EML6: variants seen among roughly 807,000 people sequenced by gnomAD.
EML6 encodes echinoderm microtubule-associated protein-like 6.
EML6 carries 154 observed loss-of-function variants against 240.1 expected under a neutral mutation model. The observed-to-expected ratio is 0.64, with a 90% CI of 0.56 to 0.73. EML6 has a LOEUF of 0.73. Ranked by LOEUF, EML6 falls within the 30% of genes least tolerant of loss-of-function variation. The pLI, the probability that EML6 is intolerant of heterozygous loss-of-function variation, is 0.00. For missense variants in EML6, 2,964 were observed against 2,474.6 expected, an observed-to-expected ratio of 1.20 and a Z score of -4.20; for synonymous variants, 1,148 against 899.0, an observed-to-expected ratio of 1.28 and a Z score of -4.95.
intron 24 of EML6, among the ~76,000 whole-genome samples, chr2:54,907,284 G>A (rs1657917583): frequency 6.6e-6 from 1 of 152,200 alleles, no homozygotes; most frequent in South Asian, 2.1e-4. Context: ...GCTGAGGTGG[G>A]TGACCTGAGG....
intron 7 of EML6, among the ~76,000 whole-genome samples, chr2:54,833,075 G>C (rs2104209395): frequency 6.6e-6 from 1 of 152,348 alleles, no homozygotes; most frequent in South Asian, 2.1e-4. Flanking sequence ...AATTTAGCAA[G>C]AGAATTAATC....
At chr2:54,963,092 TA>T (rs1676595573) in intron 36 of EML6, among the ~76,000 whole-genome samples, 1 of 102,714 alleles carries the variant, frequency 9.7e-6, no homozygotes, top group South Asian at 3.4e-4. Flanking sequence ...TCATCTGGAG[TA>T]AAACTGTGAA....
intron 28 of EML6, among the ~76,000 whole-genome samples, chr2:54,939,990 A>G (rs754651287): frequency 2.6e-5 from 4 of 152,234 alleles, no homozygotes; most frequent in Non-Finnish European, 4.4e-5. Flanking sequence ...AATATTCTGC[A>G]TTAATATTTT....
intron 7 of EML6, among the ~76,000 whole-genome samples, chr2:54,837,362 T>C (rs977551799): frequency 2.0e-5 from 3 of 152,204 alleles, no homozygotes; most frequent in African/African-American, 7.2e-5. Flanking sequence ...TTCTATGCTG[T>C]TATTTCCTCA....
At chr2:54,898,943 C>A (rs556226646) in intron 21 of EML6, among the ~76,000 whole-genome samples, 22 of 152,236 alleles carry the variant, frequency 1.4e-4, no homozygotes, top group African/African-American at 5.3e-4. Context: ...TCTAAGCCAG[C>A]CAAGTGTGTT....
chr2:54,788,824 C>T (rs1423035158), intron 2 of EML6, among the ~76,000 whole-genome samples: 1 of 152,126 alleles, frequency 6.6e-6, no homozygotes, highest in East Asian at 1.9e-4. Context: ...TTTTTATTGA[C>T]TTTATTGTTT....
chr2:54,935,838 G>A (rs1475478125), intron 28 of EML6, among the ~76,000 whole-genome samples: 1 of 152,138 alleles, frequency 6.6e-6, no homozygotes, highest in African/African-American at 2.4e-5. Flanking sequence ...ATGAGCCTGG[G>A]CAACATAAGG....
intron 35 of EML6, among the ~76,000 whole-genome samples, chr2:54,962,117 GTGTCACCCAGGCTGGAGTGCAGTGGTAC>G (rs1676548348): frequency 7.1e-6 from 1 of 139,876 alleles, no homozygotes; most frequent in African/African-American, 2.7e-5. Flanking sequence ...GGGTCTCACT[GTGTCACCCAGGCTGGAGTGCAGTGGTAC>G]CATCATCATA....
In EML6 at chr2:54,856,679, G is replaced by A. The variant is rs529958894; in HGVS notation, c.1657+2824G>A. Among the ~76,000 whole-genome samples, 149 of 152,292 alleles carry A rather than the reference G, an allele frequency of 9.8e-4. 3 individuals carry two copies. The South Asian group carries it at 0.015, about 15-fold the overall frequency. On this transcript the variant is annotated intron_variant, in intron 11 of 41. Transcript: ENST00000356458. ...CTTAGTGCATGAGGGGAAGAGTTGCGTACCGTGACATTGGAGAGGGTGACA... is the reference window on the plus strand; with the variant it reads ...CTTAGTGCATGAGGGGAAGAGTTGCATACCGTGACATTGGAGAGGGTGACA...
At chr2:54,903,004 A>G (rs1373215255) in intron 22 of EML6, 40 bp from the exon 23 acceptor site, 7 of 1,537,016 alleles carry the variant, frequency 4.6e-6, no homozygotes, top group African/African-American at 1.4e-5. Flanking sequence ...TTGACAGTGA[A>G]GTTTTGGATA....
chr2:54,760,283 A>T (rs1490545066), intron 2 of EML6, among the ~76,000 whole-genome samples: 1 of 151,744 alleles, frequency 6.6e-6, no homozygotes, highest in Non-Finnish European at 1.5e-5. Flanking sequence ...TGCTCCCCAG[A>T]TATTCACTAC....
At chr2:54,775,797 TAG>T (rs2103824133) in intron 2 of EML6, among the ~76,000 whole-genome samples, 1 of 152,286 alleles carries the variant, frequency 6.6e-6, no homozygotes, top group African/African-American at 2.4e-5. Flanking sequence ...TGGGAATATA[TAG>T]TCTACAACTA....
intron 24 of EML6, among the ~76,000 whole-genome samples, chr2:54,906,678 G>A (rs1673344542): frequency 6.6e-6 from 1 of 152,112 alleles, no homozygotes; most frequent in East Asian, 1.9e-4. Flanking sequence ...TTTTAGGGAG[G>A]AATTACACCA....
chr2:54,935,290 C>T (rs1040795005), intron 28 of EML6, among the ~76,000 whole-genome samples: 1 of 152,120 alleles, frequency 6.6e-6, no homozygotes, highest in African/African-American at 2.4e-5. Context: ...TCTATGAGTA[C>T]ACATAAGCTG....
chr2:54,851,453 A>G (rs540090262), intron 10 of EML6, among the ~76,000 whole-genome samples: 71 of 152,276 alleles, frequency 4.7e-4, no homozygotes, highest in African/African-American at 1.2e-3. Context: ...AAAAAGCCCA[A>G]TGGATTTTAA....
chr2:54,836,084 C>T (rs936842351), intron 7 of EML6, among the ~76,000 whole-genome samples: 22 of 152,172 alleles, frequency 1.4e-4, no homozygotes, highest in Admixed American at 1.0e-3. Context: ...CCTCACTGTT[C>T]TGCTGAGAAG....
chr2:54,822,657 G>C (rs1286158271), intron 5 of EML6, among the ~76,000 whole-genome samples: 2 of 152,064 alleles, frequency 1.3e-5, no homozygotes, highest in African/African-American at 4.8e-5. Flanking sequence ...GTTGGGTTAT[G>C]GTGGGATTAG....
At position 54,892,154 on chromosome 2, in the gene EML6, T is replaced by C. The variant is rs550278295; in HGVS notation, c.2540-300T>C. Among the ~76,000 whole-genome samples, 18 of 152,312 alleles carry C rather than the reference T, an allele frequency of 1.2e-4. No individual in the cohort carries two copies. In the South Asian group the frequency reaches 2.5e-3, roughly 21 times the overall value. On this transcript the variant is annotated intron_variant, in intron 18 of 41. Coordinates refer to ENST00000356458, the MANE Select transcript of EML6 (RefSeq NM_001039753.4). Reference sequence around the variant, plus strand: ...CGCATGTCTTGGACTGAGATGCATATTGATTGCTCTCTCCAGCCAGACTCT... The same window carrying C: ...CGCATGTCTTGGACTGAGATGCATACTGATTGCTCTCTCCAGCCAGACTCT...
At chr2:54,880,370 A>C (rs1671751798) in intron 17 of EML6, 1 of 152,208 alleles carries the variant, frequency 6.6e-6, no homozygotes, top group Non-Finnish European at 1.5e-5. Flanking sequence ...CTCTGCATTA[A>C]TGATGTCCTT....
Sources: allele counts gnomAD v4.1 joint callset (sites outside exome capture counted in the v4.1 genomes callset), GRCh38; gene constraint gnomAD v4.1.1; transcripts MANE v1.5; gene names NCBI Gene and HGNC (gene_info 2026-07-23, HGNC 2026-07-21).